Variants in L3MBTL4 observed in about 807,000 individuals in gnomAD.
L3MBTL4 encodes L3MBTL histone methyl-lysine binding protein 4, also known as lethal(3)malignant brain tumor-like protein 4.
In L3MBTL4, 70 loss-of-function variants were observed where a neutral mutation model predicts 84.5. That is an observed-to-expected ratio of 0.83 (90% CI 0.68 to 1.01). The LOEUF (loss-of-function observed/expected upper bound fraction) is 1.01, where lower values mean the gene tolerates loss of function less well. Among genes scored for constraint, L3MBTL4 ranks in the 50% least tolerant of loss-of-function variants. The pLI is 0.00. For missense variants in L3MBTL4, 715 were observed against 754.8 expected, an observed-to-expected ratio of 0.95 and a Z score of 0.62; for synonymous variants, 274 against 259.8, an observed-to-expected ratio of 1.05 and a Z score of -0.52.
In L3MBTL4 at chr18:6,294,920, C is replaced by A. The variant is rs184289973; in HGVS notation, c.127+6983G>T. Among the ~76,000 whole-genome samples, 11 of 152,158 alleles carry A rather than the reference C, an allele frequency of 7.2e-5. No homozygotes were observed. In the East Asian group the frequency reaches 2.1e-3, roughly 29 times the overall value. On this transcript the variant is annotated intron_variant, in intron 4 of 18. Transcript: ENST00000317931. ...CTTTAATAAGGCAAAGATTTTAATA[C>A]GGTGTTTGCTTTCATATATTAATGA...
intron 1 of L3MBTL4, among the ~76,000 whole-genome samples, chr18:6,321,323 C>T (rs578062615): frequency 3.3e-5 from 5 of 152,208 alleles, no homozygotes; most frequent in African/African-American, 1.2e-4. Flanking sequence ...TATTTGCAAA[C>T]TATGCATCCA....
At chr18:6,255,990 G>T (rs894712760) in intron 5 of L3MBTL4, among the ~76,000 whole-genome samples, 1 of 152,212 alleles carries the variant, frequency 6.6e-6, no homozygotes, top group Non-Finnish European at 1.5e-5. Flanking sequence ...TTAAAACAGT[G>T]ATAGTATTCT....
intron 13 of L3MBTL4, among the ~76,000 whole-genome samples, chr18:6,169,808 C>T (rs952132690): frequency 6.6e-6 from 1 of 151,456 alleles, no homozygotes; most frequent in Non-Finnish European, 1.5e-5. Context: ...TGCACATCTA[C>T]CCTAAAACTT....
intron 16 of L3MBTL4, among the ~76,000 whole-genome samples, chr18:5,976,899 G>A (rs537099975): frequency 1.1e-4 from 17 of 152,302 alleles, no homozygotes; most frequent in Admixed American, 2.0e-4. Context: ...TGCTAAAGGA[G>A]TGTGCGGCAA....
intron 1 of L3MBTL4, among the ~76,000 whole-genome samples, chr18:6,333,492 T>C (rs1480556698): frequency 6.6e-6 from 1 of 151,792 alleles, no homozygotes; most frequent in Non-Finnish European, 1.5e-5. Context: ...GGAGAATCAA[T>C]TGAACCTGGG....
intron 12 of L3MBTL4, among the ~76,000 whole-genome samples, chr18:6,193,022 G>T (rs942826889): frequency 2.6e-5 from 4 of 152,070 alleles, no homozygotes; most frequent in Non-Finnish European, 5.9e-5. Context: ...TGACGGAGTT[G>T]GGATATTCAA....
intron 4 of L3MBTL4, among the ~76,000 whole-genome samples, chr18:6,298,860 G>A (rs916397312): frequency 6.6e-6 from 1 of 151,972 alleles, no homozygotes; most frequent in Non-Finnish European, 1.5e-5. Flanking sequence ...AGCAACAAGA[G>A]GGAAATTCTG....
intron 1 of L3MBTL4, among the ~76,000 whole-genome samples, chr18:6,376,019 T>A (rs2054352987): frequency 6.6e-6 from 1 of 152,142 alleles, no homozygotes; most frequent in African/African-American, 2.4e-5. Flanking sequence ...TCCCAGCACA[T>A]TAAGGAAACT....
At position 5,977,529 on chromosome 18, in the gene L3MBTL4, C is replaced by T. The variant is rs535517887; in HGVS notation, c.1445-7967G>A. Among the ~76,000 whole-genome samples the T allele has an allele frequency of 2.6e-5, 4 of 152,314 alleles. No homozygotes were observed. The East Asian group carries it at 5.8e-4, about 22-fold the overall frequency. On this transcript the variant is annotated intron_variant, in intron 16 of 18. Transcript: ENST00000317931. ...CTTGCAAGGGGCTGATTGGCAAACACAGTAGCATCCTGAGGGAATAAGTCA... is the reference window on the plus strand; with the variant it reads ...CTTGCAAGGGGCTGATTGGCAAACATAGTAGCATCCTGAGGGAATAAGTCA...
chr18:6,036,407 G>A (rs2067536111), intron 16 of L3MBTL4, among the ~76,000 whole-genome samples: 1 of 151,804 alleles, frequency 6.6e-6, no homozygotes, highest in South Asian at 2.1e-4. Context: ...AAGCCCTCTA[G>A]TAAAATTTTC....
chr18:6,235,258 T>C (rs8093094), intron 10 of L3MBTL4, among the ~76,000 whole-genome samples: 12,400 of 152,208 alleles, frequency 0.081, 1,718 homozygotes, highest in African/African-American at 0.28. Flanking sequence ...ACATGGCACA[T>C]GTATACATAC....
At chr18:6,301,731 C>A (rs2050347124) in intron 4 of L3MBTL4, among the ~76,000 whole-genome samples, 172 bp downstream of exon 4, 1 of 152,048 alleles carries the variant, frequency 6.6e-6, no homozygotes, top group African/African-American at 2.4e-5. Flanking sequence ...ATTTGAAAAC[C>A]TTAGATGACA....
chr18:6,322,773 G>A (rs954591534), intron 1 of L3MBTL4, among the ~76,000 whole-genome samples: 2 of 152,138 alleles, frequency 1.3e-5, no homozygotes, highest in Non-Finnish European at 2.9e-5. Context: ...CAGAACTGAG[G>A]ATGGTAAATG....
chr18:6,264,009 A>G lies in L3MBTL4; in HGVS notation c.157T>C (p.Ser53Pro), dbSNP rs751633886. Residue 53 changes from serine to proline, a missense_variant, in exon 5 of 19, where the codon TCT (serine) becomes CCT (proline). Ser to Pro is a moderately conservative substitution (Grantham distance 74, BLOSUM62 -1). Coordinates refer to ENST00000317931, the MANE Select transcript of L3MBTL4 (RefSeq NM_001330559.2). ...TGTTCTTTCAAGTACCACTCCCAAG[A>G]CCATGCTCCCTGTGCAGCCGCTGAA... ...VPSAAAQGAW[S>P]WEWYLKEQKA... is the part of the protein sequence containing the mutation. 1 of 1,613,972 alleles carries G rather than the reference A, an allele frequency of 6.2e-7. No homozygotes were observed.
intron 16 of L3MBTL4, among the ~76,000 whole-genome samples, chr18:6,001,065 C>G (rs1788154749): frequency 6.6e-6 from 1 of 152,236 alleles, no homozygotes; most frequent in South Asian, 2.1e-4. Context: ...AGCCCTGTGG[C>G]AGGCAGCTGT....
chr18:6,118,198 AAC>A (rs1409110321), intron 14 of L3MBTL4, among the ~76,000 whole-genome samples: 2 of 72,098 alleles, frequency 2.8e-5, no homozygotes, highest in African/African-American at 1.8e-4. Flanking sequence ...CTGTCTCTTA[AAC>A]ACACACAAAC....
chr18:5,981,974 C>CTGTG (rs374606293), intron 16 of L3MBTL4, among the ~76,000 whole-genome samples: 18,144 of 137,240 alleles, frequency 0.13, 1,747 homozygotes, highest in East Asian at 0.4. Context: ...TTTCAATATT[C>CTGTG]TGTGTGTGTG....
intron 4 of L3MBTL4, among the ~76,000 whole-genome samples, chr18:6,295,334 CTCTCTCTCTCTCTATA>C (rs1255566063): frequency 1.5e-5 from 2 of 130,520 alleles, no homozygotes; most frequent in Non-Finnish European, 3.1e-5. Context: ...CTCTCTCTCT[CTCTCTCTCTCTCTATA>C]TATATATATA....
intron 1 of L3MBTL4, among the ~76,000 whole-genome samples, chr18:6,376,983 T>A (rs1229595171): frequency 6.6e-6 from 1 of 152,110 alleles, no homozygotes; most frequent in African/African-American, 2.4e-5. Flanking sequence ...ACGCTGACTA[T>A]CACAAATTCC....
Sources: allele counts gnomAD v4.1 joint callset (sites outside exome capture counted in the v4.1 genomes callset), GRCh38; gene constraint gnomAD v4.1.1; transcripts MANE v1.5; gene names NCBI Gene and HGNC (gene_info 2026-07-23, HGNC 2026-07-21).